Variants in LPAR1 observed in about 807,000 individuals in gnomAD.
LPAR1 encodes the protein LPA receptor 1.
LPAR1 carries 5 observed loss-of-function variants against 23.8 expected under a neutral mutation model. The observed-to-expected ratio is 0.21, with a 90% CI of 0.11 to 0.44. The LOEUF is 0.44. LPAR1 is among the 20% of genes least tolerant of loss of function. The probability of loss-of-function intolerance (pLI) is 0.99; values close to 1 mark genes in which losing one functional copy is unlikely to be tolerated. For missense variants in LPAR1, 311 were observed against 482.8 expected (o/e 0.64, Z 3.33); for synonymous variants, 160 against 164.7 (o/e 0.97, Z 0.22).
chr9:110,906,633 G>C (rs1336566847), intron 5 of LPAR1, among the ~76,000 whole-genome samples: 2 of 152,028 alleles, frequency 1.3e-5, no homozygotes, highest in East Asian at 1.9e-4. Context: ...CTTACACTTA[G>C]GGAAACAAAA....
intron 5 of LPAR1, among the ~76,000 whole-genome samples, chr9:110,915,854 C>T (rs1214587401): frequency 2.6e-5 from 4 of 152,092 alleles, no homozygotes; most frequent in Admixed American, 1.3e-4. Context: ...AAAAATTGAA[C>T]GAGTGTGCCT....
At chr9:111,029,142 C>G (rs545086768) in intron 2 of LPAR1, among the ~76,000 whole-genome samples, 1 of 152,338 alleles carries the variant, frequency 6.6e-6, no homozygotes, top group Admixed American at 6.5e-5. Context: ...ATATATCAAT[C>G]TTTTCACTCT....
chr9:110,899,144 G>T (rs1347839723), intron 5 of LPAR1, among the ~76,000 whole-genome samples: 5 of 152,140 alleles, frequency 3.3e-5, no homozygotes, highest in African/African-American at 1.2e-4. Context: ...TACACATCAA[G>T]AATCAGAATA....
intron 5 of LPAR1, among the ~76,000 whole-genome samples, chr9:110,917,867 C>T (rs2093318201): frequency 6.6e-6 from 1 of 151,978 alleles, no homozygotes; most frequent in Non-Finnish European, 1.5e-5. Flanking sequence ...TTAAACTCAA[C>T]TTTGTCCTCT....
chr9:110,997,605 C>T (rs2097041282), intron 2 of LPAR1, among the ~76,000 whole-genome samples: 1 of 152,126 alleles, frequency 6.6e-6, no homozygotes, highest in Non-Finnish European at 1.5e-5. Flanking sequence ...CAAAACCAGA[C>T]TTTTAACAGA....
At chr9:110,996,098 A>G (rs2096996425) in intron 2 of LPAR1, among the ~76,000 whole-genome samples, 2 of 152,322 alleles carry the variant, frequency 1.3e-5, no homozygotes, top group South Asian at 4.1e-4. Flanking sequence ...AAAGACTTCT[A>G]TCTGCTAATG....
intron 5 of LPAR1, among the ~76,000 whole-genome samples, chr9:110,927,447 CAAAGTAGGACTTAATGAGTTCTGAAA>C (rs1429819371): frequency 3.9e-5 from 6 of 152,098 alleles, no homozygotes; most frequent in African/African-American, 1.2e-4. Flanking sequence ...CAATTTGGGA[CAAAGTAGGACTTAATGAGTTCTGAAA>C]ACTAGTAAAC....
At chr9:110,973,655 G>C (rs2096486071) in intron 2 of LPAR1, 97 bp from the exon 3 acceptor site, 1 of 152,074 alleles carries the variant, frequency 6.6e-6, no homozygotes, top group Non-Finnish European at 1.5e-5. Flanking sequence ...TTATTCACGT[G>C]TTCATTAAGA....
Position 110,982,855 on chromosome 9 carries a change from T to TACAC in LPAR1, c.-181-9301_-181-9298dup, listed in dbSNP as rs1266977213. Among the ~76,000 whole-genome samples, 95 of 92,710 alleles carry TACAC rather than the reference T, an allele frequency of 1.0e-3. 2 individuals are homozygous for TACAC. In the South Asian group the frequency reaches 0.02, roughly 20 times the overall value. 60.8% of individuals were successfully genotyped at this position (92,710 alleles called of 152,430 possible). A position where few individuals can be genotyped will look rare whatever the true frequency, so the allele number is the denominator to read the frequency against. On this transcript the variant is annotated intron_variant, in intron 2 of 5. Transcript: ENST00000683809. ...GTAGACACTTCTACAAAAATGTATA[T>TACAC]ACACATACACACACACACACACACA...
At chr9:111,031,189 T>C (rs1461023201) in intron 2 of LPAR1, among the ~76,000 whole-genome samples, 1 of 152,012 alleles carries the variant, frequency 6.6e-6, no homozygotes, top group Non-Finnish European at 1.5e-5. Context: ...TTTATTGTGT[T>C]TGTATCCCTG....
At chr9:111,032,220 G>A (rs1000115) in intron 2 of LPAR1, among the ~76,000 whole-genome samples, 49,945 of 151,968 alleles carry the variant, frequency 0.33, 8,472 homozygotes, top group African/African-American at 0.39. Context: ...CAGGAGTAGC[G>A]AAACTGGAGA....
At position 110,875,738 on chromosome 9, in the gene LPAR1, T is replaced by C. The variant is rs763552163; in HGVS notation, c.794-16A>G. On this transcript the variant is annotated splice_polypyrimidine_tract_variant and intron_variant, in intron 5 of 5. Transcript: ENST00000683809. ...ATAAAGGCCCCTACAAGGACAAGGA[T>C]AGGGATCAGAAGGATTTTTAAAAAG... 3.4e-6 allele frequency: 5 copies of C among 1,480,640 alleles called. No homozygotes were observed. The highest frequency in any genetic ancestry group is 1.4e-5 in the South Asian group (1 of 72,866). The allele number at this position is 1,480,640 out of a possible 1,614,324, so 91.7% of individuals were successfully genotyped here. A position where few individuals can be genotyped will look rare whatever the true frequency, so the allele number is the denominator to read the frequency against.
At chr9:110,880,373 T>G (rs2080416326) in intron 5 of LPAR1, among the ~76,000 whole-genome samples, 1 of 152,134 alleles carries the variant, frequency 6.6e-6, no homozygotes, top group Non-Finnish European at 1.5e-5. Context: ...CTATCCAACC[T>G]CATCAGCTGA....
At chr9:110,983,997 G>A (rs1048049000) in intron 2 of LPAR1, among the ~76,000 whole-genome samples, 5 of 151,956 alleles carry the variant, frequency 3.3e-5, no homozygotes, top group Admixed American at 6.6e-5. Context: ...CATAGTAGGT[G>A]TATATATTTG....
chr9:111,015,752 A>G (rs981508394), intron 2 of LPAR1, among the ~76,000 whole-genome samples: 1 of 152,162 alleles, frequency 6.6e-6, no homozygotes, highest in Non-Finnish European at 1.5e-5. Flanking sequence ...TGGAGGAAAA[A>G]TAAAGATGTT....
At chr9:110,883,989 T>C (rs111518421) in intron 5 of LPAR1, among the ~76,000 whole-genome samples, 1 of 149,520 alleles carries the variant, frequency 6.7e-6, no homozygotes, top group African/African-American at 2.5e-5. Context: ...TCCATGAGCA[T>C]TCTTTCTAGA....
rs560697366 is a variant in LPAR1 at position 111,024,857 on chromosome 9, A to G, written c.-182+11265T>C. On this transcript the variant is annotated intron_variant, in intron 2 of 5. Transcript: ENST00000683809. The stretch of plus-strand genomic sequence containing the variant: ...AGAATGATGGTTTCCAGCTTCATCC[A>G]AGTCCCCACAAAGGACATGAACTCA... Among the ~76,000 whole-genome samples the G allele has an allele frequency of 5.5e-4, 83 of 152,212 alleles. 1 individual carries two copies. Among genetic ancestry groups the G allele is most frequent in the African/African-American group, 1.9e-3 (78 of 41,530 alleles).
intron 5 of LPAR1, among the ~76,000 whole-genome samples, chr9:110,916,049 A>C (rs1409685): frequency 0.79 from 119,448 of 152,062 alleles, 47,163 homozygotes; most frequent in East Asian, 0.84. Flanking sequence ...GATAAGGGAA[A>C]CTTGAGTATG....
At chr9:110,966,515 T>C (rs1257993885) in intron 4 of LPAR1, among the ~76,000 whole-genome samples, 3 of 150,698 alleles carry the variant, frequency 2.0e-5, no homozygotes, top group Non-Finnish European at 4.4e-5. Context: ...AGATGATGGG[T>C]TGATAGGTAC....
Sources: gnomAD v4.1 joint callset for allele counts (sites outside exome capture counted in the v4.1 genomes callset) on GRCh38, gnomAD v4.1.1 for gene constraint, MANE v1.5 for transcripts, NCBI Gene and HGNC (gene_info 2026-07-23, HGNC 2026-07-21) for gene names.